The following GRIK1 variants were observed in gnomAD, a reference collection of about 807,000 sequenced individuals.
GRIK1 encodes the protein glutamate ionotropic receptor kainate type subunit 1.
In GRIK1, 69 loss-of-function variants were observed where a neutral mutation model predicts 105.7. The ratio of observed to expected loss-of-function variants is 0.65; its 90% CI spans 0.54 to 0.80. The LOEUF is 0.80. Among genes scored for constraint, GRIK1 ranks in the 30% least tolerant of loss-of-function variants. The pLI is 0.00. For missense variants in GRIK1, 1,109 were observed against 1,167.3 expected (o/e 0.95, Z 0.73); for synonymous variants, 438 against 431.3 (o/e 1.02, Z -0.19).
chr21:29,833,111 T>C (rs935092565), intron 1 of GRIK1, among the ~76,000 whole-genome samples: 1 of 152,222 alleles, frequency 6.6e-6, no homozygotes, highest in Non-Finnish European at 1.5e-5. Flanking sequence ...TCTTTGCTAA[T>C]GCATAAGAAA....
At chr21:29,783,393 G>GT (rs966129842) in intron 1 of GRIK1, among the ~76,000 whole-genome samples, 1 of 151,866 alleles carries the variant, frequency 6.6e-6, no homozygotes, top group Non-Finnish European at 1.5e-5. Context: ...TATTTTGCAG[G>GT]TTTTTTTGTT....
intron 1 of GRIK1, among the ~76,000 whole-genome samples, chr21:29,845,281 T>C (rs1472498796): frequency 2.6e-5 from 4 of 152,218 alleles, no homozygotes; most frequent in African/African-American, 7.2e-5. Flanking sequence ...CAAACGTCTT[T>C]TGCCATATTT....
chr21:29,887,699 C>T (rs1183522366), intron 1 of GRIK1, among the ~76,000 whole-genome samples: 1 of 152,136 alleles, frequency 6.6e-6, no homozygotes, highest in Non-Finnish European at 1.5e-5. Flanking sequence ...ATAATCTTTT[C>T]CCTCTTCCTT....
At chr21:29,560,612 C>CT (rs1568816132) in intron 15 of GRIK1, among the ~76,000 whole-genome samples, 1 of 134,710 alleles carries the variant, frequency 7.4e-6, no homozygotes. Flanking sequence ...TTCCTTCTTT[C>CT]TTTTTTTGAG....
intron 1 of GRIK1, among the ~76,000 whole-genome samples, chr21:29,904,144 G>A (rs1569205931): frequency 6.6e-6 from 1 of 152,028 alleles, no homozygotes; most frequent in Admixed American, 6.5e-5. Context: ...GCTAGGGGAG[G>A]GTTAGCATTA....
intron 16 of GRIK1, among the ~76,000 whole-genome samples, chr21:29,546,169 C>A (rs530196083): frequency 6.6e-6 from 1 of 152,272 alleles, no homozygotes; most frequent in East Asian, 1.9e-4. Flanking sequence ...ATCCACACAC[C>A]CTGTGTCTTT....
rs1421368241 is a variant in GRIK1, at chr21:29,560,347, CTT to C, written c.2356+1275_2356+1276del. Among the ~76,000 whole-genome samples the C allele has an allele frequency of 6.4e-4, 63 of 98,016 alleles. 1 individual carries two copies. The highest frequency in any genetic ancestry group is 2.4e-3 in the African/African-American group (55 of 22,726). The allele number at this position is 98,016 out of a possible 152,430, so 64.3% of individuals were successfully genotyped here. ...TCTTTCTTTCTTTCTTTCTTTCTTT[CTT>C]TCTTTCTTTTTCTTTCTTCCTTCCT... On this transcript the variant is annotated intron_variant, in intron 15 of 17. Coordinates refer to ENST00000327783, the MANE Select transcript of GRIK1 (RefSeq NM_001330994.2).
At chr21:29,713,740 A>G (rs1327597305) in intron 1 of GRIK1, among the ~76,000 whole-genome samples, 1 of 152,214 alleles carries the variant, frequency 6.6e-6, no homozygotes, top group Admixed American at 6.5e-5. Flanking sequence ...CATTCTAGGC[A>G]AAACACTAGA....
chr21:29,662,553 G>A (rs998231293), intron 4 of GRIK1, among the ~76,000 whole-genome samples: 6 of 152,016 alleles, frequency 3.9e-5, no homozygotes, highest in South Asian at 2.1e-4. Flanking sequence ...TAATCTTTTT[G>A]CAACAAGCTT....
At chr21:29,596,141 C>G (rs971039480) in intron 9 of GRIK1, 1 of 350,082 alleles carries the variant, frequency 2.9e-6, no homozygotes, top group African/African-American at 2.1e-5. Context: ...TCTCATGGAT[C>G]AAATCTATTG....
At chr21:29,819,785 G>C (rs2067248618) in intron 1 of GRIK1, among the ~76,000 whole-genome samples, 1 of 152,014 alleles carries the variant, frequency 6.6e-6, no homozygotes, top group African/African-American at 2.4e-5. Context: ...TTAGAATAGA[G>C]CAAGCAAGGT....
chr21:29,883,103 A>G (rs2069483644), intron 1 of GRIK1, among the ~76,000 whole-genome samples: 1 of 152,112 alleles, frequency 6.6e-6, no homozygotes, highest in Admixed American at 6.6e-5. Flanking sequence ...TACTAATTCA[A>G]CAATGTCATG....
At chr21:29,568,763 C>T (rs2090669551) in intron 14 of GRIK1, among the ~76,000 whole-genome samples, 1 of 152,216 alleles carries the variant, frequency 6.6e-6, no homozygotes, top group Non-Finnish European at 1.5e-5. Context: ...TTGTATTTAA[C>T]AGGTATTCAT....
chr21:29,592,574 G>A (rs559390724), intron 9 of GRIK1, among the ~76,000 whole-genome samples: 15 of 152,286 alleles, frequency 9.8e-5, no homozygotes, highest in Non-Finnish European at 1.6e-4. Context: ...ATGTTTTAGA[G>A]CCAGGAAGAC....
intron 3 of GRIK1, among the ~76,000 whole-genome samples, chr21:29,681,455 A>G (rs377312236): frequency 6.6e-6 from 1 of 152,154 alleles, no homozygotes; most frequent in Admixed American, 6.5e-5. Context: ...CTGAGGTACC[A>G]GGCACACTCT....
In GRIK1 at chr21:29,616,896, G is replaced by T. The variant is rs139674890; in HGVS notation, c.1099-17959C>A. Among the ~76,000 whole-genome samples the T allele has an allele frequency of 3.8e-3, 580 of 152,320 alleles. 1 individual carries two copies. Among genetic ancestry groups the T allele is most frequent in the African/African-American group, 0.013 (561 of 41,572 alleles). On this transcript the variant is annotated intron_variant, in intron 7 of 17. Coordinates refer to ENST00000327783, the MANE Select transcript of GRIK1 (RefSeq NM_001330994.2). ...AATTAAGTTGAAATGGTAAAAGTCA[G>T]TTGTTTCAATAACATTACAGTTCAA...
intron 3 of GRIK1, among the ~76,000 whole-genome samples, chr21:29,684,004 T>G (rs2063432148): frequency 6.6e-6 from 1 of 152,248 alleles, no homozygotes; most frequent in South Asian, 2.1e-4. Flanking sequence ...TCTAGAGCAC[T>G]TCCCTGGTAT....
At chr21:29,790,646 TCTCACTATGTCAGTCAGG>T (rs2066388802) in intron 1 of GRIK1, among the ~76,000 whole-genome samples, 1 of 151,734 alleles carries the variant, frequency 6.6e-6, no homozygotes, top group African/African-American at 2.4e-5. Flanking sequence ...AGAGATGAGG[TCTCACTATGTCAGTCAGG>T]CTTGTCCTGA....
intron 1 of GRIK1, among the ~76,000 whole-genome samples, chr21:29,828,607 T>C (rs139434406): frequency 7.9e-5 from 12 of 152,154 alleles, no homozygotes; most frequent in African/African-American, 2.6e-4. Context: ...GCTCAAGCAG[T>C]CCTCCCATCT....
Sources: gnomAD v4.1 joint callset for allele counts (sites outside exome capture counted in the v4.1 genomes callset) on GRCh38, gnomAD v4.1.1 for gene constraint, MANE v1.5 for transcripts, NCBI Gene and HGNC (gene_info 2026-07-23, HGNC 2026-07-21) for gene names.